TRAPPC10: variants seen among roughly 807,000 people sequenced by gnomAD.
TRAPPC10 encodes trafficking protein particle complex subunit 10.
A neutral mutation model predicts 125.5 loss-of-function variants in TRAPPC10; 23 were observed. The ratio of observed to expected loss-of-function variants is 0.18; its 90% CI spans 0.13 to 0.26. The LOEUF (loss-of-function observed/expected upper bound fraction) is 0.26, where lower values mean the gene tolerates loss of function less well. Among genes scored for constraint, TRAPPC10 ranks in the 10% least tolerant of loss-of-function variants. The pLI, the probability that TRAPPC10 is intolerant of heterozygous loss-of-function variation, is 1.00. For synonymous variants in TRAPPC10, 509 were observed against 518.0 expected, an observed-to-expected ratio of 0.98 and a Z score of 0.24; for missense variants, 1,123 against 1,308.4, an observed-to-expected ratio of 0.86 and a Z score of 2.19.
intron 7 of TRAPPC10, among the ~76,000 whole-genome samples, chr21:44,064,015 C>CT (rs1334477155): frequency 1.3e-5 from 2 of 152,204 alleles, no homozygotes; most frequent in African/African-American, 4.8e-5. Context: ...CAGAGCAAGC[C>CT]TCTTAGATGA....
intron 6 of TRAPPC10, among the ~76,000 whole-genome samples, chr21:44,062,121 AT>A (rs1426913400): frequency 1.3e-5 from 2 of 152,236 alleles, no homozygotes; most frequent in Non-Finnish European, 2.9e-5. Flanking sequence ...CATATTTCTT[AT>A]ATTTGACATA....
Position 44,063,758 on chromosome 21 carries a change from C to G in TRAPPC10, c.1011C>G (p.Asn337Lys), listed in dbSNP as rs781261124. The G allele has an allele frequency of 2.5e-6, 4 of 1,614,066 alleles. No individual in the cohort carries two copies. In the South Asian group the frequency reaches 4.4e-5, roughly 18 times the overall value. Residue 337 changes from asparagine to lysine, a missense_variant, in exon 7 of 23, where the codon AAC becomes AAG. Transcript: ENST00000291574. The surrounding 1 kb of genome is among the most constrained non-coding windows in gnomAD (Gnocchi z 4.4). ...AGCGCGCCCTAGAGCTGCTGCACAA[C>G]TGCGTGCAGGAACTGAAGCTCTTAG... The part of the protein sequence containing the change: ...VAQRALELLH[N>K]CVQELKLLEV...
At chr21:44,077,223 A>C (rs550936840) in intron 10 of TRAPPC10, among the ~76,000 whole-genome samples, 1 of 152,354 alleles carries the variant, frequency 6.6e-6, no homozygotes, top group South Asian at 2.1e-4. Flanking sequence ...CAGGTTACCA[A>C]TTTTGCTTAT....
chr21:44,089,641 C>G (rs1190300987), intron 17 of TRAPPC10, 192 bp from the exon 18 acceptor site: 3 of 611,078 alleles, frequency 4.9e-6, no homozygotes, highest in African/African-American at 3.7e-5. Context: ...TGTCTGTATG[C>G]ATAGCTTCCT....
At chr21:44,089,747 A>C in intron 17 of TRAPPC10, 86 bp from the exon 18 acceptor site, 10 of 935,444 alleles carry the variant, frequency 1.1e-5, no homozygotes, top group Non-Finnish European at 1.6e-5. Flanking sequence ...GTGGGCGGGC[A>C]CTGCAGGTGA....
At chr21:44,013,737 T>C (rs1331965882) in intron 1 of TRAPPC10, among the ~76,000 whole-genome samples, 1 of 152,256 alleles carries the variant, frequency 6.6e-6, no homozygotes, top group African/African-American at 2.4e-5. Context: ...CTCTTTTTTT[T>C]CTACAGAGAC....
At chr21:44,055,621 C>T in intron 4 of TRAPPC10, 77 bp from the exon 5 acceptor site, 1 of 1,195,986 alleles carries the variant, frequency 8.4e-7, no homozygotes, top group South Asian at 2.0e-5. Flanking sequence ...AATTGCCGCT[C>T]AGGACAATGG....
intron 20 of TRAPPC10, among the ~76,000 whole-genome samples, chr21:44,094,754 T>G (rs143723776): frequency 3.7e-4 from 56 of 152,322 alleles, no homozygotes; most frequent in Non-Finnish European, 7.2e-4. Flanking sequence ...TACAGGTGTG[T>G]GCTGTGTTCC....
chr21:44,037,831 T>C lies in TRAPPC10; in HGVS notation c.189T>C (p.Ser63=). The change falls in exon 3 of 23, where the codon TCT becomes TCC. Residue 63 remains serine (S), a synonymous_variant. Transcript: ENST00000291574. ...GRAPKMIHLE[S]NFVQFKEELL... ...CTCCGAAGATGATTCACCTAGAGTC[T>C]AACTTTGTTCAATTCAAAGAGGAGC... The C allele has an allele frequency of 6.2e-7, 1 of 1,614,214 alleles. No individual in the cohort carries two copies. Among genetic ancestry groups the C allele is most frequent in the Non-Finnish European group, 8.5e-7 (1 of 1,180,048 alleles).
intron 2 of TRAPPC10, among the ~76,000 whole-genome samples, chr21:44,036,683 G>A (rs749525725): frequency 6.6e-6 from 1 of 152,238 alleles, no homozygotes; most frequent in Non-Finnish European, 1.5e-5. Flanking sequence ...TACGAAGGCA[G>A]ATGAACCCAG....
intron 4 of TRAPPC10, among the ~76,000 whole-genome samples, chr21:44,053,313 G>T (rs544156338): frequency 6.6e-6 from 1 of 152,098 alleles, no homozygotes; most frequent in Non-Finnish European, 1.5e-5. Flanking sequence ...TACATAATAC[G>T]TGTGTGTATT....
At chr21:44,090,726 CACA>C (rs1196675089) in intron 18 of TRAPPC10, among the ~76,000 whole-genome samples, 1 of 152,276 alleles carries the variant, frequency 6.6e-6, no homozygotes, top group Middle Eastern at 3.4e-3. Flanking sequence ...GGCCTCTCAC[CACA>C]ACTTTTTATC....
At chr21:44,081,182 T>A (rs1385672467) in intron 13 of TRAPPC10, among the ~76,000 whole-genome samples, 1 of 151,750 alleles carries the variant, frequency 6.6e-6, no homozygotes, top group Non-Finnish European at 1.5e-5. Flanking sequence ...CACCCAGCTA[T>A]TTTTTTTCTT....
At chr21:44,029,249 C>T (rs2147240658) in intron 1 of TRAPPC10, among the ~76,000 whole-genome samples, 1 of 152,308 alleles carries the variant, frequency 6.6e-6, no homozygotes, top group African/African-American at 2.4e-5. Flanking sequence ...CGCCTGCCAC[C>T]ACACCCAGCT....
At position 44,076,532 on chromosome 21, in the gene TRAPPC10, C is replaced by G; in HGVS notation, c.1301-20C>G. 2 of 1,603,440 alleles carry G rather than the reference C, an allele frequency of 1.2e-6. No individual in the cohort carries two copies. The highest frequency in any genetic ancestry group is 1.7e-6 in the Non-Finnish European group (2 of 1,170,454). On this transcript the variant is annotated intron_variant, in intron 9 of 22. Coordinates refer to ENST00000291574, the MANE Select transcript of TRAPPC10 (RefSeq NM_003274.5). The stretch of plus-strand genomic sequence containing the variant: ...GACATGATGAAGATGAAGAGGGACT[C>G]TCGTTTCTTTCTGTTTAAGCCAACA...
chr21:44,081,005 C>CTTTTTTT (rs71326026), intron 13 of TRAPPC10, among the ~76,000 whole-genome samples: 6 of 103,858 alleles, frequency 5.8e-5, no homozygotes, highest in Non-Finnish European at 1.1e-4. Flanking sequence ...TATTATTGTT[C>CTTTTTTT]TTTTTTTTTT....
At chr21:44,068,182 A>G (rs1163595358) in intron 7 of TRAPPC10, among the ~76,000 whole-genome samples, 2 of 152,064 alleles carry the variant, frequency 1.3e-5, no homozygotes, top group Admixed American at 6.6e-5. Flanking sequence ...TTTTGTGCCA[A>G]CCATTGTGGT....
intron 2 of TRAPPC10, among the ~76,000 whole-genome samples, chr21:44,035,604 C>A (rs1046449470): frequency 1.3e-5 from 2 of 152,132 alleles, no homozygotes; most frequent in African/African-American, 4.8e-5. Flanking sequence ...ATGGTGAAAC[C>A]CTGTCTCTTC....
chr21:44,083,100 T>C lies in TRAPPC10; in HGVS notation c.2036T>C (p.Met679Thr), dbSNP rs772706675. ...TTGCCCGCGCTGGAGTTGTATGAAA[T>C]GTTTGAGAGAAGCCCATCTGATAAC... is the stretch of plus-strand genomic sequence containing the variant. ...NSLPALELYEMFERSPSDNSL... is the reference protein window; with the variant it reads ...NSLPALELYETFERSPSDNSL... The change falls in exon 14 of 23, where the codon ATG (methionine) becomes ACG (threonine). Residue 679 changes from methionine (M) to threonine (T), a missense_variant. This residue lies in a region of TRAPPC10 where 840 missense variants were observed against 902.0 expected (regional missense o/e 0.93). Transcript: ENST00000291574. 2.5e-6 allele frequency: 4 copies of C among 1,613,824 alleles called. No individual in the cohort carries two copies. The Admixed American group carries it at 6.7e-5, about 27-fold the overall frequency.
Sources: gnomAD v4.1 joint callset for allele counts (sites outside exome capture counted in the v4.1 genomes callset) on GRCh38, gnomAD v4.1.1 for gene constraint, gnomAD v4.1.1 regional missense constraint, Gnocchi (gnomAD v3.1) non-coding constraint, MANE v1.5 for transcripts, NCBI Gene and HGNC (gene_info 2026-07-23, HGNC 2026-07-21) for gene names.